Variants in VWA8 observed in about 807,000 individuals in gnomAD.
The protein encoded by VWA8 is von Willebrand factor A domain containing 8.
A neutral mutation model predicts 241.5 loss-of-function variants in VWA8; 221 were observed. The observed-to-expected ratio is 0.91, with a 90% CI of 0.82 to 1.02. The LOEUF (loss-of-function observed/expected upper bound fraction) is 1.02, where lower values mean the gene tolerates loss of function less well. Ranked by LOEUF, VWA8 falls within the 50% of genes least tolerant of loss-of-function variation. The pLI is 0.00. For synonymous variants in VWA8, 852 were observed against 827.1 expected, an observed-to-expected ratio of 1.03 and a Z score of -0.52; for missense variants, 2,322 against 2,328.7, an observed-to-expected ratio of 1.00 and a Z score of 0.06.
At chr13:41,871,868 G>C (rs889167183) in intron 9 of VWA8, among the ~76,000 whole-genome samples, 1 of 152,204 alleles carries the variant, frequency 6.6e-6, no homozygotes, top group Non-Finnish European at 1.5e-5. Context: ...CTAGATCCCT[G>C]AGAAATCGCC....
intron 39 of VWA8, among the ~76,000 whole-genome samples, chr13:41,608,826 G>A (rs1286538839): frequency 1.3e-5 from 2 of 152,100 alleles, no homozygotes; most frequent in African/African-American, 4.8e-5. Flanking sequence ...CTGTTAGTCT[G>A]CCTGAGTTAA....
rs116284849 is a variant in VWA8 at position 41,573,841 on chromosome 13, C to G, written c.5370+1899G>C. 8.6e-3 allele frequency among the ~76,000 whole-genome samples: 1,301 copies of G among 151,990 alleles called. 14 individuals are homozygous for G. The highest frequency in any genetic ancestry group is 0.028 in the African/African-American group (1,144 of 41,464). On this transcript the variant is annotated intron_variant, in intron 43 of 44. Transcript: ENST00000379310. ...TTCGCCAGGTTGGCCGGGCTGGTAT[C>G]GAGCTCCTGGCCTCAGGTGGTCTGC...
intron 26 of VWA8, among the ~76,000 whole-genome samples, chr13:41,711,789 G>T (rs1171345797): frequency 3.9e-5 from 6 of 152,034 alleles, no homozygotes; most frequent in Non-Finnish European, 8.8e-5. Flanking sequence ...CAGGAGAATG[G>T]TGTGAACCTG....
chr13:41,771,745 A>AT (rs953508602), intron 20 of VWA8, among the ~76,000 whole-genome samples: 4 of 151,024 alleles, frequency 2.6e-5, no homozygotes, highest in African/African-American at 4.9e-5. Context: ...TGCCTGGCTA[A>AT]TTTTTTTTGT....
At chr13:41,593,292 C>T (rs532712692) in intron 40 of VWA8, among the ~76,000 whole-genome samples, 1 of 152,228 alleles carries the variant, frequency 6.6e-6, no homozygotes, top group African/African-American at 2.4e-5. Context: ...TTTTGGTGGG[C>T]AGTTAATTCT....
rs1038068615 is a variant in VWA8 at position 41,611,806 on chromosome 13, A to C, written c.4721-74T>G. 6 of 1,562,266 alleles carry C rather than the reference A, an allele frequency of 3.8e-6. No homozygotes were observed. In the African/African-American group the frequency reaches 6.8e-5, roughly 18 times the overall value. On this transcript the variant is annotated intron_variant, in intron 38 of 44. Transcript: ENST00000379310. ...AGAACAAAAGTTGGGTCATGGTTTT[A>C]GGACAGCCTTGTGGAGGATATTAAT...
chr13:41,935,906 T>C (rs1877327515), intron 2 of VWA8, among the ~76,000 whole-genome samples: 1 of 152,080 alleles, frequency 6.6e-6, no homozygotes, highest in Non-Finnish European at 1.5e-5. Context: ...GATTCCATAA[T>C]GTGGGTATAC....
intron 41 of VWA8, among the ~76,000 whole-genome samples, chr13:41,589,512 C>T (rs2044440929): frequency 1.3e-5 from 2 of 152,120 alleles, no homozygotes; most frequent in Admixed American, 6.6e-5. Context: ...GCTCAGAAAT[C>T]GATACCCTCT....
chr13:41,690,813 A>G (rs537240980), intron 32 of VWA8, among the ~76,000 whole-genome samples: 2 of 152,260 alleles, frequency 1.3e-5, no homozygotes, highest in South Asian at 4.1e-4. Flanking sequence ...GAAGGTGCTC[A>G]AAGTCGACAC....
At chr13:41,693,225 G>T (rs1403768509) in intron 29 of VWA8, among the ~76,000 whole-genome samples, 2 of 151,882 alleles carry the variant, frequency 1.3e-5, no homozygotes, top group African/African-American at 4.8e-5. Flanking sequence ...AATATGTGAT[G>T]CAGAAGGTAT....
chr13:41,727,569 A>C (rs1019979086), intron 23 of VWA8, among the ~76,000 whole-genome samples: 9 of 152,160 alleles, frequency 5.9e-5, no homozygotes, highest in African/African-American at 2.2e-4. Context: ...ATCTAAAAAA[A>C]AGCAACCTTG....
chr13:41,930,018 G>T (rs1441559686), intron 2 of VWA8, among the ~76,000 whole-genome samples: 2 of 152,128 alleles, frequency 1.3e-5, no homozygotes, highest in Admixed American at 6.5e-5. Context: ...AATTTATAAA[G>T]AATTCATATA....
At position 41,575,848 on chromosome 13, in the gene VWA8, A is replaced by G. The variant is rs773289524; in HGVS notation, c.5272-10T>C. ...GTCCAACGATGTCATACTACATGCA[A>G]GAGAACCAGAAAGTTATAAACTTTT... On this transcript the variant is annotated splice_polypyrimidine_tract_variant and intron_variant, in intron 42 of 44. Coordinates refer to ENST00000379310, the MANE Select transcript of VWA8 (RefSeq NM_015058.2). The G allele has an allele frequency of 6.3e-7, 1 of 1,594,248 alleles. No individual in the cohort carries two copies. The highest frequency in any genetic ancestry group is 1.1e-5 in the South Asian group (1 of 88,652).
At chr13:41,720,880 T>C (rs946171489) in intron 25 of VWA8, among the ~76,000 whole-genome samples, 1 of 152,206 alleles carries the variant, frequency 6.6e-6, no homozygotes, top group African/African-American at 2.4e-5. Context: ...GTACACATTG[T>C]ACATGGTCGC....
intron 12 of VWA8, among the ~76,000 whole-genome samples, chr13:41,861,791 A>G (rs1339297111): frequency 6.6e-6 from 1 of 152,214 alleles, no homozygotes; most frequent in East Asian, 1.9e-4. Flanking sequence ...CACTGCTGAA[A>G]GAAATCAGAG....
intron 21 of VWA8, among the ~76,000 whole-genome samples, chr13:41,758,777 A>C (rs1223232753): frequency 6.6e-6 from 1 of 151,096 alleles, no homozygotes; most frequent in African/African-American, 2.4e-5. Flanking sequence ...TTAGTCTTTC[A>C]TTTTTAAATA....
At chr13:41,924,548 C>T (rs1180392529) in intron 2 of VWA8, among the ~76,000 whole-genome samples, 2 of 151,936 alleles carry the variant, frequency 1.3e-5, no homozygotes, top group Admixed American at 6.6e-5. Context: ...ACTAAGTGAA[C>T]AAATACATTA....
chr13:41,747,729 C>A (rs556971615), intron 21 of VWA8, among the ~76,000 whole-genome samples: 10 of 152,000 alleles, frequency 6.6e-5, no homozygotes, highest in African/African-American at 2.4e-4. Flanking sequence ...ATATTGGCTG[C>A]GGGTTTGTCA....
At chr13:41,950,822 C>G (rs1031033670) in intron 1 of VWA8, among the ~76,000 whole-genome samples, 1 of 151,800 alleles carries the variant, frequency 6.6e-6, no homozygotes, top group Non-Finnish European at 1.5e-5. Flanking sequence ...GTATGTGCCA[C>G]CACATCTGGC....
Sources: gnomAD v4.1 joint callset for allele counts (sites outside exome capture counted in the v4.1 genomes callset) on GRCh38, gnomAD v4.1.1 for gene constraint, MANE v1.5 for transcripts, NCBI Gene and HGNC (gene_info 2026-07-23, HGNC 2026-07-21) for gene names.